USP35: variants seen among roughly 807,000 people sequenced by gnomAD.
USP35 encodes the protein ubiquitin specific peptidase 35, also known as ubiquitin carboxyl-terminal hydrolase 35.
USP35 carries 69 observed loss-of-function variants against 83.8 expected under a neutral mutation model. The observed-to-expected ratio is 0.82, with a 90% CI of 0.68 to 1.01. The LOEUF (loss-of-function observed/expected upper bound fraction) is 1.01, where lower values mean the gene tolerates loss of function less well. Among genes scored for constraint, USP35 ranks in the 50% least tolerant of loss-of-function variants. The probability of loss-of-function intolerance (pLI) is 0.00; values close to 1 mark genes in which losing one functional copy is unlikely to be tolerated. For synonymous variants in USP35, 714 were observed against 589.5 expected (o/e 1.21, Z -3.06); for missense variants, 1,503 against 1,362.5 (o/e 1.10, Z -1.62).
chr11:78,230,070 C>A, the USP35 span, among the ~76,000 whole-genome samples: 1 of 152,212 alleles, frequency 6.6e-6, no homozygotes, highest in African/African-American at 2.4e-5. Context: ...GAAACTGTGT[C>A]TTACTCATTT....
intron 1 of USP35, among the ~76,000 whole-genome samples, chr11:78,192,952 GC>G (rs147053149): frequency 2.4e-3 from 366 of 152,102 alleles, no homozygotes; most frequent in African/African-American, 8.4e-3. Flanking sequence ...ATTTCTGCCT[GC>G]CCCCATGCCC....
the USP35 span, chr11:78,226,620 G>C: frequency 3.3e-6 from 5 of 1,500,456 alleles, no homozygotes; most frequent in Non-Finnish European, 4.6e-6. Context: ...GCGGGGTGGG[G>C]GAGCTATGGC....
rs1408924715 is a variant in USP35 at position 78,210,719 on chromosome 11, C to T, written c.2864C>T (p.Ser955Phe). 6.4e-7 allele frequency: 1 copy of T among 1,568,504 alleles called. No homozygotes were observed. The highest frequency in any genetic ancestry group is 1.2e-5 in the South Asian group (1 of 86,354). ...TLHKDLMEAI[S>F]KDNILYLQEQ... ...CACAAGGACTTGATGGAAGCCATTTCCAAAGACAACATCCTTTACCTACAG... is the reference window on the plus strand; with the variant it reads ...CACAAGGACTTGATGGAAGCCATTTTCAAAGACAACATCCTTTACCTACAG... Residue 955 changes from serine (S) to phenylalanine (F), a missense_variant, in exon 10 of 11, where the codon TCC becomes TTC. Physicochemically the swap from Ser to Phe is radical, Grantham distance 155 (BLOSUM62 -2). Transcript: ENST00000529308.
intron 1 of USP35, among the ~76,000 whole-genome samples, chr11:78,189,940 G>T (rs2137017938): frequency 6.6e-6 from 1 of 152,314 alleles, no homozygotes; most frequent in South Asian, 2.1e-4. Context: ...TACCTAGAGA[G>T]ATGCTGCCAT....
In USP35 at chr11:78,214,869, C is replaced by T. The variant is rs1050189477; in HGVS notation, c.*1056C>T. ...TCTACTGAAGTGGGGTGTAAGTAAA[C>T]GTGTGGACTGACTGACTTACTTACC... On this transcript the variant is annotated 3_prime_UTR_variant, in exon 11 of 11. Transcript: ENST00000529308. Among the ~76,000 whole-genome samples, 14 of 140,992 alleles carry T rather than the reference C, an allele frequency of 9.9e-5. No homozygotes were observed. The highest frequency in any genetic ancestry group is 7.2e-3 in the Middle Eastern group (2 of 278). 92.5% of individuals were successfully genotyped at this position (140,992 alleles called of 152,430 possible). A position where few individuals can be genotyped will look rare whatever the true frequency, so the allele number is the denominator to read the frequency against.
chr11:78,192,143 C>G (rs1013985560), intron 1 of USP35, among the ~76,000 whole-genome samples: 2 of 152,202 alleles, frequency 1.3e-5, no homozygotes, highest in African/African-American at 4.8e-5. Flanking sequence ...GCTAAGAAGC[C>G]AGGCAGGGGC....
At position 78,209,811 on chromosome 11, in the gene USP35, C is replaced by A. The variant is rs762038875; in HGVS notation, c.1956C>A (p.Thr652=). ...RQRKHCITED[T]PPTSLYIEGL... ...GGAAACACTGCATCACAGAGGACAC[C>A]CCCCCCACCAGCCTGTACATCGAAG... The change falls in exon 10 of 11, where the codon ACC becomes ACA. Residue 652 remains threonine (T), a synonymous_variant. Transcript: ENST00000529308. 1.2e-6 allele frequency: 2 copies of A among 1,613,424 alleles called. No individual in the cohort carries two copies. Among genetic ancestry groups the A allele is most frequent in the East Asian group, 2.2e-5 (1 of 44,834 alleles).
At chr11:78,206,265 A>T (rs1423825083) in intron 7 of USP35, among the ~76,000 whole-genome samples, 1 of 152,134 alleles carries the variant, frequency 6.6e-6, no homozygotes, top group Admixed American at 6.5e-5. Flanking sequence ...CAGCCCTGGG[A>T]AGTGGGGTCT....
In USP35 at chr11:78,210,271, C is replaced by T. The variant is rs1055417494; in HGVS notation, c.2416C>T (p.Leu806Phe). The T allele has an allele frequency of 1.2e-6, 2 of 1,614,146 alleles. No individual in the cohort carries two copies. Among genetic ancestry groups the T allele is most frequent in the Non-Finnish European group, 1.7e-6 (2 of 1,180,030 alleles). The change falls in exon 10 of 11, where the codon CTC becomes TTC. Residue 806 changes from leucine to phenylalanine, a missense_variant. Leu to Phe is a conservative substitution (Grantham distance 22, BLOSUM62 0). Transcript: ENST00000529308. ...GAGCCAAGGGCCGTGCTACCTCATC[C>T]TCACACTGCTGCGCTTCTCTTTCGA... ...ELSQGPCYLI[L>F]TLLRFSFDLR...
chr11:78,219,545 C>T (rs1206305259), downstream of USP35: 7 of 786,414 alleles, frequency 8.9e-6, no homozygotes, highest in East Asian at 2.5e-5. Flanking sequence ...TGCCACTGAC[C>T]AGCCTCAGGA....
rs771667583 is a variant in USP35, at chr11:78,209,654, T to C, written c.1799T>C (p.Phe600Ser). Residue 600 changes from phenylalanine (F) to serine (S), a missense_variant, in exon 10 of 11, where the codon TTC (phenylalanine) becomes TCC (serine). Phe to Ser is a radical substitution (Grantham distance 155, BLOSUM62 -2). Coordinates refer to ENST00000529308, the MANE Select transcript of USP35 (RefSeq NM_020798.4). ...EEAFTDLSLA[F>S]PPPERCRRRR... Reference sequence around the variant, plus strand: ...GCCTTCACGGACCTCTCTCTCGCCTTCCCTCCTCCTGAGCGCTGTCGCCGC... The same window carrying C: ...GCCTTCACGGACCTCTCTCTCGCCTCCCCTCCTCCTGAGCGCTGTCGCCGC... 6.2e-7 allele frequency: 1 copy of C among 1,613,982 alleles called. No individual in the cohort carries two copies. The highest frequency in any genetic ancestry group is 1.7e-5 in the Admixed American group (1 of 60,016).
intron 6 of USP35, among the ~76,000 whole-genome samples, chr11:78,203,715 A>T (rs1863433761): frequency 6.7e-6 from 1 of 150,064 alleles, no homozygotes; most frequent in Admixed American, 6.7e-5. Flanking sequence ...AGTAGCTGGG[A>T]CTACAGGCGC....
At chr11:78,227,940 G>A in the USP35 span, among the ~76,000 whole-genome samples, 1 of 152,332 alleles carries the variant, frequency 6.6e-6, no homozygotes, top group Non-Finnish European at 1.5e-5. Context: ...AAATCTATAT[G>A]AAGAATGGTT....
chr11:78,213,297 C>A (rs973756905), intron 10 of USP35, among the ~76,000 whole-genome samples: 3 of 152,100 alleles, frequency 2.0e-5, no homozygotes, highest in Non-Finnish European at 4.4e-5. Flanking sequence ...TTCTCATAGG[C>A]AGAGCCCATT....
intron 1 of USP35, among the ~76,000 whole-genome samples, chr11:78,193,654 T>C (rs1863061338): frequency 6.6e-6 from 1 of 152,302 alleles, no homozygotes; most frequent in Admixed American, 6.5e-5. Context: ...TGACATTTTC[T>C]GAGAACTTCC....
the USP35 span, among the ~76,000 whole-genome samples, chr11:78,236,126 A>G: frequency 3.0e-4 from 46 of 152,350 alleles, no homozygotes; most frequent in South Asian, 2.7e-3. Flanking sequence ...TACCAGCAAC[A>G]TTTGATAGTT....
the USP35 span, chr11:78,220,573 A>C: frequency 1.5e-6 from 1 of 681,828 alleles, no homozygotes; most frequent in Non-Finnish European, 2.3e-6. Context: ...CATGCTAAGG[A>C]CTTTTCATGT....
rs770548061 is a variant in USP35 at position 78,207,562 on chromosome 11, A to G, written c.1424A>G (p.Asn475Ser). 9 of 1,614,164 alleles carry G rather than the reference A, an allele frequency of 5.6e-6. No individual in the cohort carries two copies. Among genetic ancestry groups the G allele is most frequent in the Non-Finnish European group, 7.6e-6 (9 of 1,180,022 alleles). The change falls in exon 8 of 11, where the codon AAC becomes AGC. Residue 475 changes from asparagine (N) to serine (S), a missense_variant. Asn to Ser is a conservative substitution (Grantham distance 46). Transcript: ENST00000529308. Reference sequence around the variant, plus strand: ...CATTGTGTGCTCCGCTTGACTGAGAACAACTCACAGCCCCTGATGACCAAG... The same window carrying G: ...CATTGTGTGCTCCGCTTGACTGAGAGCAACTCACAGCCCCTGATGACCAAG... ...FRHCVLRLTE[N>S]NSQPLMTKLQ...
At chr11:78,199,767 T>G (rs1381194437) in intron 4 of USP35, 43 bp downstream of exon 4, 1 of 1,613,606 alleles carries the variant, frequency 6.2e-7, no homozygotes, top group Non-Finnish European at 8.5e-7. Flanking sequence ...CCTTTTGTAC[T>G]AGGCTCTTGC....
Sources: allele counts gnomAD v4.1 joint callset (sites outside exome capture counted in the v4.1 genomes callset), GRCh38; gene constraint gnomAD v4.1.1; transcripts MANE v1.5; gene names NCBI Gene and HGNC (gene_info 2026-07-23, HGNC 2026-07-21).